VPS13A: variants seen among roughly 807,000 people sequenced by gnomAD.
The protein encoded by VPS13A is vacuolar protein sorting 13 homolog A.
VPS13A carries 264 observed loss-of-function variants against 390.9 expected under a neutral mutation model. The ratio of observed to expected loss-of-function variants is 0.68; its 90% confidence interval spans 0.61 to 0.75. VPS13A has a LOEUF of 0.75. VPS13A is among the 30% of genes least tolerant of loss of function. VPS13A has a pLI of 0.00. For missense variants in VPS13A, 3,409 were observed against 3,733.9 expected, an observed-to-expected ratio of 0.91 and a Z score of 2.27; for synonymous variants, 1,231 against 1,227.1, an observed-to-expected ratio of 1.00 and a Z score of -0.07.
At chr9:77,399,788 T>TTG (rs1351180040) in intron 68 of VPS13A, among the ~76,000 whole-genome samples, 1 of 152,294 alleles carries the variant, frequency 6.6e-6, no homozygotes, top group Admixed American at 6.5e-5. Flanking sequence ...TGTTAATAGA[T>TTG]TGATGTGTAC....
chr9:77,314,162 T>C (rs766583962), intron 36 of VPS13A, 43 bp downstream of exon 36: 125 of 1,604,710 alleles, frequency 7.8e-5, no homozygotes, highest in Non-Finnish European at 9.5e-5. Flanking sequence ...ACATGTGAAA[T>C]TTGCATAGGT....
At chr9:77,408,945 T>A (rs1834765590) in intron 71 of VPS13A, among the ~76,000 whole-genome samples, 1 of 151,902 alleles carries the variant, frequency 6.6e-6, no homozygotes, top group African/African-American at 2.4e-5. Context: ...TTGAAGAGAG[T>A]AGTGGTTCTC....
At chr9:77,268,165 C>T (rs774126806) in intron 23 of VPS13A, among the ~76,000 whole-genome samples, 1 of 152,240 alleles carries the variant, frequency 6.6e-6, no homozygotes, top group Non-Finnish European at 1.5e-5. Flanking sequence ...AAAGGTTCAT[C>T]TTGCTGGCAT....
chr9:77,268,950 AAAAAG>A (rs1826197745), intron 23 of VPS13A, among the ~76,000 whole-genome samples: 1 of 152,064 alleles, frequency 6.6e-6, no homozygotes, highest in Non-Finnish European at 1.5e-5. Flanking sequence ...AAAAAAAAAA[AAAAAG>A]AAAGTGAGTT....
chr9:77,197,735 A>G (rs1825085492), intron 1 of VPS13A, among the ~76,000 whole-genome samples: 1 of 152,174 alleles, frequency 6.6e-6, no homozygotes, highest in Non-Finnish European at 1.5e-5. Context: ...TATACCTTGT[A>G]CACATAGCCC....
At position 77,409,822 on chromosome 9, in the gene VPS13A, T is replaced by G. The variant is rs531717576; in HGVS notation, c.9474+2215T>G. On this transcript the variant is annotated intron_variant, in intron 71 of 71. Coordinates refer to ENST00000360280, the MANE Select transcript of VPS13A (RefSeq NM_033305.3). ...AAAAGACCAAATCTACGTCTGATTG[T>G]CATACCTGAAAGTGATGGGGAGAAT... Among the ~76,000 whole-genome samples, 275 of 151,342 alleles carry G rather than the reference T, an allele frequency of 1.8e-3. 7 individuals carry two copies. Among genetic ancestry groups the G allele is most frequent in the African/African-American group, 6.2e-3 (254 of 41,018 alleles).
intron 53 of VPS13A, among the ~76,000 whole-genome samples, chr9:77,352,182 G>T (rs187161325): frequency 1.2e-4 from 19 of 152,260 alleles, no homozygotes; most frequent in Admixed American, 5.9e-4. Flanking sequence ...TCCACTGAGT[G>T]AACTAAAACA....
rs1826071412 is a variant in VPS13A at position 77,266,941 on chromosome 9, G to GATAGC, written c.2428-6339_2428-6338insATAGC. Among the ~76,000 whole-genome samples, 11 of 151,534 alleles carry GATAGC rather than the reference G, an allele frequency of 7.3e-5. No individual in the cohort carries two copies. The South Asian group carries it at 2.3e-3, about 32-fold the overall frequency. ...TTCAATCTCTGATATCCTTTCTTCCGCTTGATCGATTTGGCTATTGATACT... is the reference window on the plus strand; with the variant it reads ...TTCAATCTCTGATATCCTTTCTTCCGATAGCCTTGATCGATTTGGCTATTGATACT... On this transcript the variant is annotated intron_variant, in intron 23 of 71. Coordinates refer to ENST00000360280, the MANE Select transcript of VPS13A (RefSeq NM_033305.3).
intron 62 of VPS13A, 117 bp downstream of exon 62, chr9:77,368,253 T>A: frequency 1.2e-6 from 1 of 808,976 alleles, no homozygotes; most frequent in Non-Finnish European, 2.0e-6. Flanking sequence ...TTCAAATTAT[T>A]AAAGCATGGG....
Position 77,399,181 on chromosome 9 carries a change from T to TAAAAAAAAAAAAAAA in VPS13A, c.9190-4045_9190-4031dup, listed in dbSNP as rs1223344360. Among the ~76,000 whole-genome samples, 60 of 34,908 alleles carry TAAAAAAAAAAAAAAA rather than the reference T, an allele frequency of 1.7e-3. 1 individual carries two copies. Among genetic ancestry groups the TAAAAAAAAAAAAAAA allele is most frequent in the African/African-American group, 2.3e-3 (25 of 10,886 alleles). The allele number at this position is 34,908 out of a possible 152,430, so 22.9% of individuals were successfully genotyped here. A position where few individuals can be genotyped will look rare whatever the true frequency, so the allele number is the denominator to read the frequency against. ...TTAGAGTATAATAAAAAAAAAAAAA[T>TAAAAAAAAAAAAAAA]AAAAAAAAAAAAAAAAAAAAAAAAC... On this transcript the variant is annotated intron_variant, in intron 68 of 71. Coordinates refer to ENST00000360280, the MANE Select transcript of VPS13A (RefSeq NM_033305.3).
At chr9:77,328,065 A>G (rs1291629867) in intron 45 of VPS13A, among the ~76,000 whole-genome samples, 2 of 152,222 alleles carry the variant, frequency 1.3e-5, no homozygotes, top group Non-Finnish European at 2.9e-5. Context: ...TTTAAGTCAA[A>G]TATACAATGT....
Position 77,417,782 on chromosome 9 carries a change from G to T in VPS13A, c.*1776G>T, listed in dbSNP as rs1438466741. On this transcript the variant is annotated 3_prime_UTR_variant, in exon 72 of 72. Transcript: ENST00000360280. The stretch of plus-strand genomic sequence containing the variant: ...AAGCCTTACATAAATAGTAAACATA[G>T]AAATTCTTCTGGTGCCCTCTGGCAG... 1.3e-5 allele frequency: 2 copies of T among 152,140 alleles called. No individual in the cohort carries two copies. Among genetic ancestry groups the T allele is most frequent in the African/African-American group, 4.8e-5 (2 of 41,436 alleles). 9.4% of individuals were successfully genotyped at this position (152,140 alleles called of 1,614,324 possible). A position where few individuals can be genotyped will look rare whatever the true frequency, so the allele number is the denominator to read the frequency against.
At chr9:77,327,608 AAT>A (rs1466426175) in intron 45 of VPS13A, among the ~76,000 whole-genome samples, 24 of 151,850 alleles carry the variant, frequency 1.6e-4, no homozygotes, top group Non-Finnish European at 2.5e-4. Flanking sequence ...TCCAAAGATA[AAT>A]ATGAGTATTT....
At chr9:77,372,584 A>C (rs1587680955) in intron 67 of VPS13A, among the ~76,000 whole-genome samples, 1 of 152,176 alleles carries the variant, frequency 6.6e-6, no homozygotes, top group East Asian at 1.9e-4. Flanking sequence ...CAAGACAGGG[A>C]TGCCCTCTCT....
Position 77,409,162 on chromosome 9 carries a change from C to T in VPS13A, c.9474+1555C>T, listed in dbSNP as rs183333242. 7.2e-4 allele frequency among the ~76,000 whole-genome samples: 109 copies of T among 152,338 alleles called. 1 individual carries two copies. The East Asian group carries it at 9.3e-3, about 13-fold the overall frequency. ...CCAATATCTGCTGTTCTGCAGCCTC[C>T]GCTGCTGATACCCACGCAAACAGGT... On this transcript the variant is annotated intron_variant, in intron 71 of 71. Coordinates refer to ENST00000360280, the MANE Select transcript of VPS13A (RefSeq NM_033305.3).
At chr9:77,206,685 G>A (rs1396640671) in intron 5 of VPS13A, among the ~76,000 whole-genome samples, 1 of 151,926 alleles carries the variant, frequency 6.6e-6, no homozygotes, top group Non-Finnish European at 1.5e-5. Context: ...TCACCTAGTG[G>A]GTTTTTTGCC....
chr9:77,381,512 A>C (rs1209797889), intron 67 of VPS13A, among the ~76,000 whole-genome samples: 1 of 152,184 alleles, frequency 6.6e-6, no homozygotes, highest in Non-Finnish European at 1.5e-5. Context: ...TAAGATTTTC[A>C]AAAACAGTAA....
intron 68 of VPS13A, chr9:77,390,180 C>A: frequency 1.1e-6 from 1 of 893,692 alleles, no homozygotes; most frequent in South Asian, 5.2e-5. Flanking sequence ...GGCTATTGGA[C>A]TTCACTCTTC....
chr9:77,237,344 C>T (rs958639655), intron 17 of VPS13A, among the ~76,000 whole-genome samples: 7 of 152,002 alleles, frequency 4.6e-5, no homozygotes, highest in African/African-American at 1.7e-4. Context: ...CTGCCTCATC[C>T]TTGGTTTTTA....
Sources: gnomAD v4.1 joint callset for allele counts (sites outside exome capture counted in the v4.1 genomes callset) on GRCh38, gnomAD v4.1.1 for gene constraint, MANE v1.5 for transcripts, NCBI Gene and HGNC (gene_info 2026-07-23, HGNC 2026-07-21) for gene names.